The following RBM12B variants were observed in gnomAD, a reference collection of about 807,000 sequenced individuals.
RBM12B encodes the protein RNA binding motif protein 12B.
Under a neutral mutation model 34.3 loss-of-function variants are expected in RBM12B, and 10 were observed. The ratio of observed to expected loss-of-function variants is 0.29; its 90% CI spans 0.18 to 0.49. RBM12B has a LOEUF of 0.49. Among genes scored for constraint, RBM12B ranks in the 20% least tolerant of loss-of-function variants. The probability of loss-of-function intolerance (pLI) is 0.99; values close to 1 mark genes in which losing one functional copy is unlikely to be tolerated. For missense variants in RBM12B, 1,139 were observed against 1,262.7 expected (o/e 0.90, Z 1.48); for synonymous variants, 477 against 437.1 (o/e 1.09, Z -1.14).
rs573364944 is a variant in RBM12B, at chr8:93,734,327, G to A, written c.2084C>T (p.Pro695Leu). 1.1e-5 allele frequency: 18 copies of A among 1,610,660 alleles called. No individual in the cohort carries two copies. In the East Asian group the frequency reaches 1.3e-4, roughly 12 times the overall value. Reference protein sequence around the residue: ...RPLQGEWRRPPEDDFRRPPEE... With the variant: ...RPLQGEWRRPLEDDFRRPPEE... Reference sequence around the variant, plus strand: ...TGGGGGCCGCCTGAAGTCATCCTCGGGTGGTCGCCTCCATTCTCCCTGAAG... The same window carrying A: ...TGGGGGCCGCCTGAAGTCATCCTCGAGTGGTCGCCTCCATTCTCCCTGAAG... Residue 695 changes from proline (P) to leucine (L), a missense_variant, in exon 4 of 4, where the codon CCC becomes CTC. Pro to Leu is a moderately conservative substitution (Grantham distance 98). Transcript: ENST00000520560.
rs1294088770 is a variant in RBM12B, at chr8:93,730,569, C to T, written c.*2836G>A. The T allele has an allele frequency of 2.6e-5, 4 of 152,066 alleles. No homozygotes were observed. The highest frequency in any genetic ancestry group is 9.7e-5 in the African/African-American group (4 of 41,394). The allele number at this position is 152,066 out of a possible 1,614,324, so 9.4% of individuals were successfully genotyped here. A position where few individuals can be genotyped will look rare whatever the true frequency, so the allele number is the denominator to read the frequency against. ...GATGTGTACATGAAAATTTACTATT[C>T]TTTTTTTATATTTGAAATTGATGAG... On this transcript the variant is annotated 3_prime_UTR_variant, in exon 4 of 4. Transcript: ENST00000520560.
rs1187303745 is a variant in RBM12B at position 93,733,817 on chromosome 8, A to G, written c.2594T>C (p.Phe865Ser). 6.2e-7 allele frequency: 1 copy of G among 1,614,008 alleles called. No homozygotes were observed. The highest frequency in any genetic ancestry group is 1.3e-5 in the African/African-American group (1 of 74,900). Residue 865 changes from phenylalanine (F) to serine (S), a missense_variant, in exon 4 of 4, where the codon TTT (phenylalanine) becomes TCT (serine). Physicochemically the swap from Phe to Ser is radical, Grantham distance 155. Coordinates refer to ENST00000520560, the MANE Select transcript of RBM12B (RefSeq NM_001377960.1). ...CCTAAAATCCTCACCAGGAGGTCTA[A>G]AATTGTCAGGAAGTCTAGGGTCCTC... ...PEEDPRLPDN[F>S]RPPGEDFRSP...
In RBM12B at chr8:93,729,742, T is replaced by C. The variant is rs182968575; in HGVS notation, c.*3663A>G. Reference sequence around the variant, plus strand: ...GGTTTAGGCAAATTCAAGACTATTATACAGGTAACTATGTAACCATGTAAG... The same window carrying C: ...GGTTTAGGCAAATTCAAGACTATTACACAGGTAACTATGTAACCATGTAAG... On this transcript the variant is annotated 3_prime_UTR_variant, in exon 4 of 4. Coordinates refer to ENST00000520560, the MANE Select transcript of RBM12B (RefSeq NM_001377960.1). 10 of 152,306 alleles carry C rather than the reference T, an allele frequency of 6.6e-5. No homozygotes were observed. The highest frequency in any genetic ancestry group is 2.2e-4 in the African/African-American group (9 of 41,568). The allele number at this position is 152,306 out of a possible 1,614,324, so 9.4% of individuals were successfully genotyped here. A position where few individuals can be genotyped will look rare whatever the true frequency, so the allele number is the denominator to read the frequency against.
chr8:93,734,410 G>T lies in RBM12B; in HGVS notation c.2001C>A (p.Phe667Leu). 6.2e-7 allele frequency: 1 copy of T among 1,613,116 alleles called. No individual in the cohort carries two copies. The highest frequency in any genetic ancestry group is 8.5e-7 in the Non-Finnish European group (1 of 1,179,690). The part of the protein sequence containing the change: ...EDLRWLPEED[F>L]RRPPEEDWRR... The stretch of plus-strand genomic sequence containing the variant: ...TCCAGTCCTCCTCAGGTGGCCGCCT[G>T]AAATCTTCCTCTGGGAGCCACCTTA... Residue 667 changes from phenylalanine (F) to leucine (L), a missense_variant, in exon 4 of 4, where the codon TTC becomes TTA. By Grantham distance (22) the Phe-to-Leu change is conservative. Coordinates refer to ENST00000520560, the MANE Select transcript of RBM12B (RefSeq NM_001377960.1).
Position 93,733,430 on chromosome 8 carries a change from C to T in RBM12B, c.2981G>A (p.Arg994Gln), listed in dbSNP as rs769353041. The T allele has an allele frequency of 1.3e-6, 2 of 1,542,696 alleles. No individual in the cohort carries two copies. Among genetic ancestry groups the T allele is most frequent in the South Asian group, 1.3e-5 (1 of 79,542 alleles). Reference protein sequence around the residue: ...KDLNDRPVGPRKVKLTLL With the variant: ...KDLNDRPVGPQKVKLTLL ...CTACAGCAAAGTTAACTTAACTTTT[C>T]GGGGCCCAACTGGCCTATCATTTAG... The change falls in exon 4 of 4, where the codon CGA (arginine) becomes CAA (glutamine). Residue 994 changes from arginine (R) to glutamine (Q), a missense_variant. Coordinates refer to ENST00000520560, the MANE Select transcript of RBM12B (RefSeq NM_001377960.1).
Position 93,735,490 on chromosome 8 carries a change from A to G in RBM12B, c.921T>C (p.Thr307=), listed in dbSNP as rs1811988008. 1 of 1,613,318 alleles carries G rather than the reference A, an allele frequency of 6.2e-7. No individual in the cohort carries two copies. Among genetic ancestry groups the G allele is most frequent in the Non-Finnish European group, 8.5e-7 (1 of 1,179,594 alleles). The change falls in exon 4 of 4, where the codon ACT becomes ACC. Residue 307 remains threonine, a synonymous_variant. Transcript: ENST00000520560. ...ERDLRNFFRG[T]DLTDEQIRFL... is the part of the protein sequence containing the mutation. ...ACCTAATCTGTTCATCAGTCAGATC[A>G]GTACCTCTAAAGAAATTTCTTAAAT...
Position 93,734,713 on chromosome 8 carries a change from C to A in RBM12B, c.1698G>T (p.Arg566Ser). 1 of 1,614,144 alleles carries A rather than the reference C, an allele frequency of 6.2e-7. No individual in the cohort carries two copies. The highest frequency in any genetic ancestry group is 1.1e-5 in the South Asian group (1 of 91,082). Residue 566 changes from arginine to serine, a missense_variant, in exon 4 of 4, where the codon AGG becomes AGT. Physicochemically the swap from Arg to Ser is moderately radical, Grantham distance 110 (BLOSUM62 -1). Transcript: ENST00000520560. ...AGTGCCTGAAGTCCTCCGGGGGGAA[C>A]CTAAAGTCCTCTGAGGAGTGTCGGA... ...EDFRHSSEDFRFPPEDFRHSP... is the reference protein window; with the variant it reads ...EDFRHSSEDFSFPPEDFRHSP...
At position 93,734,145 on chromosome 8, in the gene RBM12B, G is replaced by T. The variant is rs533626649; in HGVS notation, c.2266C>A (p.Arg756=). 10 of 1,555,650 alleles carry T rather than the reference G, an allele frequency of 6.4e-6. No individual in the cohort carries two copies. The highest frequency in any genetic ancestry group is 4.5e-5 in the East Asian group (2 of 44,104). The change falls in exon 4 of 4, where the codon CGG becomes AGG. Residue 756 remains arginine (R), a synonymous_variant. Transcript: ENST00000520560. ...HFRRPPPEHF[R]RPPPEHFRRP... ...CTGAAGTGCTCTGGGGGTGGCCGCC[G>T]GAAGTGCTCTGGGGGAGGCCGCCTA...
chr8:93,737,415 G>T (rs994191243), intron 2 of RBM12B, 60 bp from the exon 3 acceptor site: 2 of 152,032 alleles, frequency 1.3e-5, no homozygotes, highest in Non-Finnish European at 2.9e-5. Flanking sequence ...CTTAAACAAC[G>T]CCAGAGTAGG....
rs1003346273 is a variant in RBM12B at position 93,734,568 on chromosome 8, T to TAGGGTGCCTGAAGTCATCCTCCGG, written c.1819_1842dup (p.Pro607_Pro614dup). ...AGGGGCCTCCTCCAGTCCTCCTCCC[T>TAGGGTGCCTGAAGTCATCCTCCGG]AGGGTGCCTGAAGTCATCCTCCGGA... On this transcript the variant is annotated inframe_insertion, in exon 4 of 4. Coordinates refer to ENST00000520560, the MANE Select transcript of RBM12B (RefSeq NM_001377960.1). 1.9e-6 allele frequency: 3 copies of TAGGGTGCCTGAAGTCATCCTCCGG among 1,608,182 alleles called. No individual in the cohort carries two copies. In the South Asian group the frequency reaches 3.3e-5, roughly 18 times the overall value.
Position 93,734,087 on chromosome 8 carries a change from G to A in RBM12B, c.2324C>T (p.Pro775Leu). ...GGGCGGTCTCCGGAAGTGCTCCGGG[G>A]GCGGGCGCCTGAAATGCTCTGGGGG... ...RPPPEHFRRP[P>L]PEHFRRPPQE... The change falls in exon 4 of 4, where the codon CCC becomes CTC. Residue 775 changes from proline to leucine, a missense_variant. Pro to Leu is a moderately conservative substitution (Grantham distance 98). Coordinates refer to ENST00000520560, the MANE Select transcript of RBM12B (RefSeq NM_001377960.1). The A allele has an allele frequency of 6.4e-7, 1 of 1,564,482 alleles. No homozygotes were observed. The highest frequency in any genetic ancestry group is 8.6e-7 in the Non-Finnish European group (1 of 1,158,884).
Position 93,728,379 on chromosome 8 carries a change from T to G in RBM12B, c.*5026A>C, listed in dbSNP as rs1024841474. On this transcript the variant is annotated 3_prime_UTR_variant, in exon 4 of 4. Transcript: ENST00000520560. ...AGAACTTTATACTCACTTTGCTATG[T>G]TAAGCCTCAAAGTGAAGTCCAACTG... 9.0e-5 allele frequency: 82 copies of G among 907,340 alleles called. No individual in the cohort carries two copies. In the African/African-American group the frequency reaches 1.3e-3, roughly 14 times the overall value. 56.2% of individuals were successfully genotyped at this position (907,340 alleles called of 1,614,324 possible).
rs1177358650 is a variant in RBM12B at position 93,732,560 on chromosome 8, T to TA, written c.*844dup. 4 of 152,218 alleles carry TA rather than the reference T, an allele frequency of 2.6e-5. No individual in the cohort carries two copies. The highest frequency in any genetic ancestry group is 9.7e-5 in the African/African-American group (4 of 41,450). The allele number at this position is 152,218 out of a possible 1,614,324, so 9.4% of individuals were successfully genotyped here. The stretch of plus-strand genomic sequence containing the variant: ...GCCTGAGTCCCCTTGCACCTATAAT[T>TA]AGATTCTTATTTTACTATCTTTTGC... On this transcript the variant is annotated 3_prime_UTR_variant, in exon 4 of 4. Coordinates refer to ENST00000520560, the MANE Select transcript of RBM12B (RefSeq NM_001377960.1).
chr8:93,732,615 A>G lies in RBM12B; in HGVS notation c.*790T>C, dbSNP rs1314218454. The G allele has an allele frequency of 6.6e-6, 1 of 152,212 alleles. No homozygotes were observed. The highest frequency in any genetic ancestry group is 6.5e-5 in the Admixed American group (1 of 15,286). The allele number at this position is 152,212 out of a possible 1,614,324, so 9.4% of individuals were successfully genotyped here. A position where few individuals can be genotyped will look rare whatever the true frequency, so the allele number is the denominator to read the frequency against. On this transcript the variant is annotated 3_prime_UTR_variant, in exon 4 of 4. Coordinates refer to ENST00000520560, the MANE Select transcript of RBM12B (RefSeq NM_001377960.1). ...CTTGTATTAATTTTACTTGGTTGAT[A>G]AGATGTTGAAGAAACCATGGAATTA...
intron 2 of RBM12B, 45 bp from the exon 3 acceptor site, chr8:93,737,400 TTTATC>T (rs545263558): frequency 1.5e-4 from 23 of 152,304 alleles, no homozygotes; most frequent in Admixed American, 1.4e-3. Flanking sequence ...AACCCTGTAA[TTTATC>T]TTAAACAACG....
chr8:93,736,119 A>T lies in RBM12B; in HGVS notation c.292T>A (p.Ser98Thr). 3 of 1,614,154 alleles carry T rather than the reference A, an allele frequency of 1.9e-6. No individual in the cohort carries two copies. The highest frequency in any genetic ancestry group is 2.5e-6 in the Non-Finnish European group (3 of 1,180,022). The change falls in exon 4 of 4, where the codon TCT becomes ACT. Residue 98 changes from serine to threonine, a missense_variant. Transcript: ENST00000520560. ...AGGCTGTCAACCCCTGATGTCCCAG[A>T]TCCTGGACGCCCTCTTCCTACACGA... ...TDRVGRGRPG[S>T]GTSGVDSLSN...
Position 93,735,672 on chromosome 8 carries a change from G to T in RBM12B, c.739C>A (p.Leu247Ile). 6.2e-7 allele frequency: 1 copy of T among 1,614,050 alleles called. No homozygotes were observed. The highest frequency in any genetic ancestry group is 8.5e-7 in the Non-Finnish European group (1 of 1,180,008). ...GGNAVKEGDVLRRSEEHSPPR... is the reference protein window; with the variant it reads ...GGNAVKEGDVIRRSEEHSPPR... Reference sequence around the variant, plus strand: ...GGAGAATGTTCTTCAGATCTCCTAAGAACGTCACCCTCCTTAACTGCATTA... The same window carrying T: ...GGAGAATGTTCTTCAGATCTCCTAATAACGTCACCCTCCTTAACTGCATTA... Residue 247 changes from leucine to isoleucine, a missense_variant, in exon 4 of 4, where the codon CTT becomes ATT. Around this residue, in one of 3 missense-constraint regions of RBM12B, gnomAD observed 863 missense variants for 869.5 expected, o/e 0.99. Coordinates refer to ENST00000520560, the MANE Select transcript of RBM12B (RefSeq NM_001377960.1).
Position 93,734,465 on chromosome 8 carries a change from TC to T in RBM12B, c.1945del (p.Glu649ArgfsTer11). 2 of 1,605,696 alleles carry T rather than the reference TC, an allele frequency of 1.2e-6. No individual in the cohort carries two copies. Among genetic ancestry groups the T allele is most frequent in the South Asian group, 2.2e-5 (2 of 90,324 alleles). On this transcript the variant is annotated frameshift_variant, in exon 4 of 4. Coordinates refer to ENST00000520560, the MANE Select transcript of RBM12B (RefSeq NM_001377960.1). LOFTEE classifies it high-confidence loss of function. The stretch of plus-strand genomic sequence containing the variant: ...CTCCTCAGGGGGTTGCCTGAAGTCC[TC>T]CTCGGGGAGCTGCCTGAAGTCCTCC... ...PTEDFRQLPE[E>X]DFRQPPEEDL...
In RBM12B at chr8:93,734,113, T is replaced by C. The variant is rs201631348; in HGVS notation, c.2298A>G (p.Pro766=). 27 of 1,554,266 alleles carry C rather than the reference T, an allele frequency of 1.7e-5. No individual in the cohort carries two copies. Among genetic ancestry groups the C allele is most frequent in the Middle Eastern group, 2.2e-4 (1 of 4,630 alleles). ...RRPPPEHFRR[P]PPEHFRRPPP... ...GCGGGCGCCTGAAATGCTCTGGGGG[T>C]GGCCGCCTGAAGTGCTCTGGGGGTG... Residue 766 remains proline, a synonymous_variant, in exon 4 of 4, where the codon CCA becomes CCG. Transcript: ENST00000520560.
Sources: allele counts gnomAD v4.1 joint callset, GRCh38; gene constraint gnomAD v4.1.1; regional missense constraint gnomAD v4.1.1; transcripts MANE v1.5; gene names NCBI Gene and HGNC (gene_info 2026-07-23, HGNC 2026-07-21).